SMARCA2: variants seen among roughly 807,000 people sequenced by gnomAD.
SMARCA2 encodes the protein SWI/SNF-related matrix-associated actin-dependent regulator of chromatin subfamily A member 2.
SMARCA2 carries 61 observed loss-of-function variants against 199.8 expected under a neutral mutation model. That is an observed-to-expected ratio of 0.31 (90% confidence interval 0.25 to 0.38). SMARCA2 has a LOEUF of 0.38. Ranked by LOEUF, SMARCA2 falls within the 10% of genes least tolerant of loss-of-function variation. SMARCA2 has a pLI of 1.00. For missense variants in SMARCA2, 1,344 were observed against 2,012.2 expected (o/e 0.67, Z 6.35); for synonymous variants, 935 against 732.0 (o/e 1.28, Z -4.48).
intron 27 of SMARCA2, among the ~76,000 whole-genome samples, chr9:2,137,259 G>A (rs972557629): frequency 1.3e-5 from 2 of 152,190 alleles, no homozygotes; most frequent in Admixed American, 6.5e-5. Context: ...AGTTCAGGTG[G>A]CTACCCAGAG....
At chr9:2,083,512 A>C in intron 16 of SMARCA2, 99 bp downstream of exon 16, 1 of 719,698 alleles carries the variant, frequency 1.4e-6, no homozygotes, top group East Asian at 2.6e-5. Context: ...TTTGGTTGTA[A>C]AGTTTTGTCA....
intron 4 of SMARCA2, chr9:2,040,135 AG>A: frequency 1.2e-6 from 1 of 846,182 alleles, no homozygotes; most frequent in Non-Finnish European, 1.8e-6. Context: ...CTGGAGACCC[AG>A]GGAAAAAGCA....
intron 28 of SMARCA2, among the ~76,000 whole-genome samples, chr9:2,168,711 T>C (rs139153139): frequency 1.8e-4 from 28 of 152,376 alleles, no homozygotes; most frequent in African/African-American, 1.7e-4. Context: ...TCTATGTCAT[T>C]ATGTAGTTAT....
chr9:2,186,238 G>A lies in SMARCA2; in HGVS notation c.4594+10G>A, dbSNP rs1387502750. Reference sequence around the variant, plus strand: ...GAGTCAGAGTCCGAGGGTAAGCCCAGACATTCGGGTCCTGTACATCTTTGC... The same window carrying A: ...GAGTCAGAGTCCGAGGGTAAGCCCAAACATTCGGGTCCTGTACATCTTTGC... On this transcript the variant is annotated intron_variant, in intron 32 of 33. Transcript: ENST00000349721. 2.5e-6 allele frequency: 4 copies of A among 1,611,524 alleles called. No individual in the cohort carries two copies. Among genetic ancestry groups the A allele is most frequent in the Non-Finnish European group, 3.4e-6 (4 of 1,178,386 alleles).
rs573265069 is a variant in SMARCA2 at position 2,154,840 on chromosome 9, G to C, written c.3982-6846G>C. Among the ~76,000 whole-genome samples the C allele has an allele frequency of 1.2e-4, 18 of 152,284 alleles. No homozygotes were observed. The South Asian group carries it at 3.1e-3, about 26-fold the overall frequency. ...TTTGGCATTTCATTTTTAATATACT[G>C]AGAACCTCGAAGTACAGAAGTGGCC... is the stretch of plus-strand genomic sequence containing the variant. On this transcript the variant is annotated intron_variant, in intron 27 of 33. Coordinates refer to ENST00000349721, the MANE Select transcript of SMARCA2 (RefSeq NM_003070.5).
intron 5 of SMARCA2, among the ~76,000 whole-genome samples, chr9:2,049,012 T>C (rs915403948): frequency 6.6e-6 from 1 of 152,216 alleles, no homozygotes. Flanking sequence ...TCCTAAGAGC[T>C]GATATTTTTT....
At chr9:2,137,707 C>T (rs1025538012) in intron 27 of SMARCA2, among the ~76,000 whole-genome samples, 4 of 152,186 alleles carry the variant, frequency 2.6e-5, no homozygotes, top group Admixed American at 6.5e-5. Context: ...AGGGCCTTTG[C>T]CTGTCTTCTT....
At chr9:2,078,677 G>T (rs1199181805) in intron 14 of SMARCA2, among the ~76,000 whole-genome samples, 8 of 152,224 alleles carry the variant, frequency 5.3e-5, no homozygotes, top group Admixed American at 5.2e-4. Context: ...AGGTGCGGTA[G>T]CTCACGCCTG....
At chr9:2,092,212 TTTCTTTATG>T (rs1229518845) in intron 19 of SMARCA2, among the ~76,000 whole-genome samples, 1 of 152,222 alleles carries the variant, frequency 6.6e-6, no homozygotes, top group Admixed American at 6.5e-5. Flanking sequence ...TGGCTGGGTA[TTTCTTTATG>T]TCTAAATATG....
At chr9:2,135,484 T>C (rs1194902012) in intron 27 of SMARCA2, among the ~76,000 whole-genome samples, 2 of 152,180 alleles carry the variant, frequency 1.3e-5, no homozygotes, top group African/African-American at 2.4e-5. Context: ...TATTTTGTTA[T>C]GGCAGCCTGA....
At chr9:2,024,416 C>A (rs931217082) in intron 1 of SMARCA2, among the ~76,000 whole-genome samples, 1 of 152,096 alleles carries the variant, frequency 6.6e-6, no homozygotes, top group Non-Finnish European at 1.5e-5. Context: ...TATCAGACTT[C>A]CAGAGTTGTG....
intron 14 of SMARCA2, among the ~76,000 whole-genome samples, chr9:2,079,295 A>C (rs1026478684): frequency 6.6e-6 from 1 of 152,070 alleles, no homozygotes; most frequent in East Asian, 1.9e-4. Context: ...TGACTACCAA[A>C]CCCTATTTTT....
chr9:2,191,452 C>T lies in SMARCA2; in HGVS notation c.4737+44C>T, dbSNP rs757840345. Reference sequence around the variant, plus strand: ...GACTGAAGGCGGAGACGCCCTCTCCCCTGCTTGCTGGCCTCTTGCATTTCC... The same window carrying T: ...GACTGAAGGCGGAGACGCCCTCTCCTCTGCTTGCTGGCCTCTTGCATTTCC... On this transcript the variant is annotated intron_variant, in intron 33 of 33. Transcript: ENST00000349721. The T allele has an allele frequency of 2.9e-5, 47 of 1,606,288 alleles. 1 individual carries two copies. The South Asian group carries it at 4.9e-4, about 17-fold the overall frequency.
intron 5 of SMARCA2, among the ~76,000 whole-genome samples, chr9:2,048,131 T>C (rs73638367): frequency 0.013 from 2,018 of 152,202 alleles, 41 homozygotes; most frequent in African/African-American, 0.046. Context: ...CAGACAATAA[T>C]GGGCTGGCTG....
At chr9:2,054,011 C>G (rs1820239278) in intron 5 of SMARCA2, among the ~76,000 whole-genome samples, 1 of 152,188 alleles carries the variant, frequency 6.6e-6, no homozygotes, top group Non-Finnish European at 1.5e-5. Context: ...TTTTCTCAAG[C>G]AAGCTCTGCT....
intron 18 of SMARCA2, among the ~76,000 whole-genome samples, chr9:2,087,687 T>C (rs1210575212): frequency 1.3e-5 from 2 of 152,180 alleles, no homozygotes; most frequent in African/African-American, 4.8e-5. Context: ...AGGTAGACAA[T>C]GGGCCATTGC....
chr9:2,178,318 C>T (rs1487123072), intron 29 of SMARCA2, among the ~76,000 whole-genome samples: 2 of 152,290 alleles, frequency 1.3e-5, no homozygotes, highest in East Asian at 3.9e-4. Flanking sequence ...TACTTTCTAG[C>T]CTGAGGTAGA....
At chr9:2,047,635 C>G (rs10964549) in intron 5 of SMARCA2, 151 bp downstream of exon 5, 2 of 972,532 alleles carry the variant, frequency 2.1e-6, no homozygotes, top group Non-Finnish European at 1.3e-6. Context: ...GGGGCCTTCC[C>G]GGTGCTGAGG....
Position 2,143,845 on chromosome 9 carries a change from T to G in SMARCA2, c.3982-17841T>G, listed in dbSNP as rs201811126. Among the ~76,000 whole-genome samples the G allele has an allele frequency of 2.4e-4, 37 of 152,298 alleles. No individual in the cohort carries two copies. The South Asian group carries it at 2.9e-3, about 12-fold the overall frequency. ...CAAAAAGAAGCGCAGGCTAGAGAGA[T>G]AATTTTTGAAGCCATATGCATTGAG... On this transcript the variant is annotated intron_variant, in intron 27 of 33. Coordinates refer to ENST00000349721, the MANE Select transcript of SMARCA2 (RefSeq NM_003070.5).
Sources: gnomAD v4.1 joint callset for allele counts (sites outside exome capture counted in the v4.1 genomes callset) on GRCh38, gnomAD v4.1.1 for gene constraint, MANE v1.5 for transcripts, NCBI Gene and HGNC (gene_info 2026-07-23, HGNC 2026-07-21) for gene names.